The following HEMGN variants were observed in gnomAD, a reference collection of about 807,000 sequenced individuals.
HEMGN encodes hemogen.
In HEMGN, 32 loss-of-function variants were observed where a neutral mutation model predicts 45.7. The ratio of observed to expected loss-of-function variants is 0.70; its 90% CI spans 0.53 to 0.94. HEMGN has a LOEUF of 0.94. Among genes scored for constraint, HEMGN ranks in the 40% least tolerant of loss-of-function variants. The pLI, the probability that HEMGN is intolerant of heterozygous loss-of-function variation, is 0.00. For missense variants in HEMGN, 530 were observed against 564.2 expected (o/e 0.94, Z 0.61); for synonymous variants, 183 against 178.6 (o/e 1.02, Z -0.20).
intron 2 of HEMGN, among the ~76,000 whole-genome samples, chr9:97,935,168 A>G (rs1347878650): frequency 2.6e-5 from 4 of 152,192 alleles, no homozygotes; most frequent in East Asian, 1.9e-4. Context: ...TTATACTGAC[A>G]TCATTCTCCT....
intron 2 of HEMGN, among the ~76,000 whole-genome samples, chr9:97,933,546 C>T (rs550768447): frequency 1.3e-5 from 2 of 152,272 alleles, no homozygotes; most frequent in South Asian, 4.2e-4. Flanking sequence ...TGAGTTTACT[C>T]AGGGGTAGTG....
At chr9:97,940,243 C>A (rs1308745856), upstream of HEMGN, among the ~76,000 whole-genome samples, 2 of 152,134 alleles carry the variant, frequency 1.3e-5, no homozygotes, top group Non-Finnish European at 2.9e-5. Context: ...TTCCTGAGCC[C>A]TGTGCCCTGT....
intron 1 of HEMGN, among the ~76,000 whole-genome samples, chr9:97,937,118 A>G (rs1045680490): frequency 6.6e-6 from 1 of 152,190 alleles, no homozygotes; most frequent in Non-Finnish European, 1.5e-5. Context: ...AGGAAAAATT[A>G]TATCTTTATT....
In HEMGN at chr9:97,930,965, G is replaced by A. The variant is rs1174357763; in HGVS notation, c.430C>T (p.Gln144Ter). The A allele has an allele frequency of 6.2e-7, 1 of 1,614,114 alleles. No individual in the cohort carries two copies. Among genetic ancestry groups the A allele is most frequent in the Non-Finnish European group, 8.5e-7 (1 of 1,179,992 alleles). Residue 144 changes from glutamine (Q) to a stop codon, truncating the protein, a stop_gained, in exon 3 of 4, where the codon CAG (glutamine) becomes TAG (stop). Transcript: ENST00000616898. LOFTEE classifies it high-confidence loss of function. ...TCTTGGTACTCAGAAAAATTCTCCTGATATATGTTACTTTCTTGACATATT... is the reference window on the plus strand; with the variant it reads ...TCTTGGTACTCAGAAAAATTCTCCTAATATATGTTACTTTCTTGACATATT... The part of the protein sequence containing the change: ...SEICQESNIY[Q>*]ENFSEYQEIA...
At chr9:97,938,399 G>C, upstream of HEMGN, 1 of 359,632 alleles carries the variant, frequency 2.8e-6, no homozygotes, top group Non-Finnish European at 5.0e-6. Flanking sequence ...TTTATACAGG[G>C]AAACTCTCTG....
At chr9:97,938,236 CA>C, upstream of HEMGN, 1 of 766,596 alleles carries the variant, frequency 1.3e-6, no homozygotes, top group Non-Finnish European at 2.2e-6. Context: ...AAAAAAAAAC[CA>C]CACACACAAG....
upstream of HEMGN, among the ~76,000 whole-genome samples, chr9:97,939,825 C>T (rs1587856591): frequency 6.6e-6 from 1 of 152,186 alleles, no homozygotes; most frequent in African/African-American, 2.4e-5. Flanking sequence ...CTCAGTTCCC[C>T]AGTCCTTCTC....
upstream of HEMGN, among the ~76,000 whole-genome samples, chr9:97,939,886 C>T (rs1005017798): frequency 1.3e-5 from 2 of 152,202 alleles, no homozygotes; most frequent in Admixed American, 1.3e-4. Context: ...GGAGCCCCTG[C>T]TCAAAGGAAT....
upstream of HEMGN, among the ~76,000 whole-genome samples, chr9:97,941,286 G>A (rs543509435): frequency 1.1e-4 from 16 of 152,124 alleles, no homozygotes; most frequent in Non-Finnish European, 1.6e-4. Flanking sequence ...AGGTATAGGG[G>A]CACCAGCAAA....
At chr9:97,928,711 C>T (rs1826879637) in intron 3 of HEMGN, among the ~76,000 whole-genome samples, 1 of 152,080 alleles carries the variant, frequency 6.6e-6, no homozygotes, top group South Asian at 2.1e-4. Context: ...AATGTTATTC[C>T]CAATGATGTT....
chr9:97,940,908 C>A (rs553453702), upstream of HEMGN, among the ~76,000 whole-genome samples: 1 of 152,192 alleles, frequency 6.6e-6, no homozygotes, highest in Non-Finnish European at 1.5e-5. Flanking sequence ...GCTGCTGTGA[C>A]TTAATAATAG....
intron 2 of HEMGN, 51 bp downstream of exon 2, chr9:97,936,119 TA>T: frequency 8.4e-7 from 1 of 1,189,406 alleles, no homozygotes; most frequent in Non-Finnish European, 1.3e-6. Context: ...ACTTTATGCA[TA>T]ACATCCTCAA....
chr9:97,931,200 C>T lies in HEMGN; in HGVS notation c.195G>A (p.Gln65=). The T allele has an allele frequency of 6.2e-7, 1 of 1,604,590 alleles. No individual in the cohort carries two copies. The highest frequency in any genetic ancestry group is 8.5e-7 in the Non-Finnish European group (1 of 1,177,690). ...WLFGEQKKRK[Q]QRTGKGNRRG... Reference sequence around the variant, plus strand: ...TTCGATTTCCTTTTCCTGTTCTCTGCTGCTTGCGTTTTTTCTGTTCTCTGC... The same window carrying T: ...TTCGATTTCCTTTTCCTGTTCTCTGTTGCTTGCGTTTTTTCTGTTCTCTGC... The change falls in exon 3 of 4, where the codon CAG becomes CAA. Residue 65 remains glutamine, a synonymous_variant. Transcript: ENST00000616898.
At chr9:97,937,505 A>G (rs1564123525) in intron 1 of HEMGN, among the ~76,000 whole-genome samples, 1 of 151,984 alleles carries the variant, frequency 6.6e-6, no homozygotes, top group Non-Finnish European at 1.5e-5. Flanking sequence ...TAGACCCACC[A>G]CTGGATATTG....
chr9:97,936,324 T>C, intron 1 of HEMGN, 60 bp from the exon 2 acceptor site: 1 of 1,163,794 alleles, frequency 8.6e-7, no homozygotes, highest in Non-Finnish European at 1.3e-6. Context: ...TCAGCAAAAG[T>C]CCTGTAGCCA....
chr9:97,936,202 G>T lies in HEMGN; in HGVS notation c.142C>A (p.His48Asn), dbSNP rs151137134. ...ELLRKRKAEV[H>N]EKETSQWLFG... ...AGCCATTGTGATGTTTCCTTTTCAT[G>T]CACTTCAGCTTTTCTTTTTCTAAGT... The change falls in exon 2 of 4, where the codon CAT (histidine) becomes AAT (asparagine). Residue 48 changes from histidine to asparagine, a missense_variant. Physicochemically the swap from His to Asn is moderately conservative, Grantham distance 68. Transcript: ENST00000616898. 2.1e-4 allele frequency: 333 copies of T among 1,612,630 alleles called. 1 individual carries two copies. The highest frequency in any genetic ancestry group is 2.7e-4 in the Non-Finnish European group (319 of 1,179,066).
At chr9:97,940,289 G>T (rs957574846), upstream of HEMGN, among the ~76,000 whole-genome samples, 4 of 152,158 alleles carry the variant, frequency 2.6e-5, no homozygotes, top group Non-Finnish European at 5.9e-5. Context: ...CATCTGTATT[G>T]CAAGGAAATA....
rs1826848686 is a variant in HEMGN, at chr9:97,927,448, C to T, written c.1391G>A (p.Gly464Glu). 1 of 1,608,880 alleles carries T rather than the reference C, an allele frequency of 6.2e-7. No homozygotes were observed. The highest frequency in any genetic ancestry group is 8.5e-7 in the Non-Finnish European group (1 of 1,176,536). Residue 464 changes from glycine (G) to glutamate (E), a missense_variant, in exon 4 of 4, where the codon GGA becomes GAA. By Grantham distance (98) the Gly-to-Glu change is moderately conservative. Coordinates refer to ENST00000616898, the MANE Select transcript of HEMGN (RefSeq NM_197978.3). Reference sequence around the variant, plus strand: ...ACTCTCATTCAGAATTGCTGGTATTCCTGGCTCTTCTTTGGGTTTTTCTTT... The same window carrying T: ...ACTCTCATTCAGAATTGCTGGTATTTCTGGCTCTTCTTTGGGTTTTTCTTT... ...EMKEKPKEEPGIPAILNESHP... is the reference protein window; with the variant it reads ...EMKEKPKEEPEIPAILNESHP...
At chr9:97,944,570 G>A (rs955278910) in intron 1 of HEMGN, among the ~76,000 whole-genome samples, 1 of 152,138 alleles carries the variant, frequency 6.6e-6, no homozygotes, top group Non-Finnish European at 1.5e-5. Context: ...AGTCCATCCT[G>A]CACAAACATC....
Sources: gnomAD v4.1 joint callset for allele counts (sites outside exome capture counted in the v4.1 genomes callset) on GRCh38, gnomAD v4.1.1 for gene constraint, MANE v1.5 for transcripts, NCBI Gene and HGNC (gene_info 2026-07-23, HGNC 2026-07-21) for gene names.